CARD10: variants seen among roughly 807,000 people sequenced by gnomAD.
The protein encoded by CARD10 is caspase recruitment domain-containing protein 10.
Under a neutral mutation model 114.6 loss-of-function variants are expected in CARD10, and 49 were observed. The observed-to-expected ratio is 0.43, with a 90% CI of 0.34 to 0.54. The LOEUF is 0.54. Among genes scored for constraint, CARD10 ranks in the 20% least tolerant of loss-of-function variants. The probability of loss-of-function intolerance (pLI) is 0.03; values close to 1 mark genes in which losing one functional copy is unlikely to be tolerated. For synonymous variants in CARD10, 602 were observed against 593.2 expected (o/e 1.01, Z -0.21); for missense variants, 1,206 against 1,397.2 (o/e 0.86, Z 2.18).
chr22:37,511,297 G>A (rs563956707), intron 3 of CARD10, among the ~76,000 whole-genome samples: 1 of 141,190 alleles, frequency 7.1e-6, no homozygotes, highest in Admixed American at 7.3e-5. Flanking sequence ...GGTTGAGGCT[G>A]CAGTGAACCA....
chr22:37,502,523 C>T (rs1923251680), intron 11 of CARD10, 79 bp downstream of exon 11: 1 of 1,474,400 alleles, frequency 6.8e-7, no homozygotes, highest in African/African-American at 1.4e-5. Context: ...AGGGGCGAGG[C>T]AATTGCTCCT....
chr22:37,503,231 A>AG lies in CARD10; in HGVS notation c.1635-19dup, dbSNP rs749139514. 4 of 1,608,866 alleles carry AG rather than the reference A, an allele frequency of 2.5e-6. No homozygotes were observed. In the African/African-American group the frequency reaches 5.4e-5, roughly 22 times the overall value. The stretch of plus-strand genomic sequence containing the variant: ...TGAAGGATCTGGGCAGAGAGAGGGC[A>AG]GGGAGGGGGCAGGAGGTGAGGCACA... On this transcript the variant is annotated intron_variant, in intron 9 of 19. Coordinates refer to ENST00000251973, the MANE Select transcript of CARD10 (RefSeq NM_014550.4).
chr22:37,507,840 C>G lies in CARD10; in HGVS notation c.1180G>C (p.Glu394Gln), dbSNP rs780584003. Residue 394 changes from glutamate (E) to glutamine (Q), a missense_variant, in exon 6 of 20, where the codon GAG (glutamate) becomes CAG (glutamine). Glu to Gln is a conservative substitution (Grantham distance 29). Transcript: ENST00000251973. ...VLAQLEEIEKERDQAIQSRDR... is the reference protein window; with the variant it reads ...VLAQLEEIEKQRDQAIQSRDR... ...CAGGCTGGGCTCACCTGGTCTCGCT[C>G]CTTCTCAATCTCCTCCAGTTGGGCC... The G allele has an allele frequency of 6.2e-7, 1 of 1,614,192 alleles. No homozygotes were observed. The highest frequency in any genetic ancestry group is 8.5e-7 in the Non-Finnish European group (1 of 1,180,008).
chr22:37,497,195 G>T lies in CARD10; in HGVS notation c.1788-17C>A, dbSNP rs1923037658. 1 of 1,604,624 alleles carries T rather than the reference G, an allele frequency of 6.2e-7. No homozygotes were observed. The stretch of plus-strand genomic sequence containing the variant: ...GCCAGAGACCTGAGAAGGGAGAAAG[G>T]AGATGAGAATTGGAGTCCAATCAGT... On this transcript the variant is annotated splice_polypyrimidine_tract_variant and intron_variant, in intron 11 of 19. Transcript: ENST00000251973.
chr22:37,516,858 G>A (rs1003520379), intron 2 of CARD10, among the ~76,000 whole-genome samples: 1 of 152,154 alleles, frequency 6.6e-6, no homozygotes, highest in African/African-American at 2.4e-5. Context: ...GCACAGAGCA[G>A]TTATTTACCC....
Position 37,504,653 on chromosome 22 carries a change from TCCC to T in CARD10, c.1497_1499del (p.Gly500del). On this transcript the variant is annotated inframe_deletion, in exon 8 of 20. Transcript: ENST00000251973. ...GTCTTACCGAGTTGTGAGGCTCAGG[TCCC>T]CCCATGACAGCTGCCTCCCCAGTTG... 3 of 1,513,346 alleles carry T rather than the reference TCCC, an allele frequency of 2.0e-6. No homozygotes were observed. Among genetic ancestry groups the T allele is most frequent in the Non-Finnish European group, 1.8e-6 (2 of 1,133,008 alleles). The allele number at this position is 1,513,346 out of a possible 1,614,324, so 93.7% of individuals were successfully genotyped here. A position where few individuals can be genotyped will look rare whatever the true frequency, so the allele number is the denominator to read the frequency against.
intron 4 of CARD10, among the ~76,000 whole-genome samples, chr22:37,509,598 G>C (rs547341182): frequency 1.4e-5 from 2 of 146,428 alleles, no homozygotes; most frequent in Non-Finnish European, 3.0e-5. Flanking sequence ...CCATGTCCAC[G>C]AGCCCTGGCC....
rs16998289 is a variant in CARD10 at position 37,504,105 on chromosome 22, T to C, written c.1634+81A>G. The C allele has an allele frequency of 9.2e-6, 9 of 979,356 alleles. No individual in the cohort carries two copies. In the South Asian group the frequency reaches 1.2e-4, roughly 13 times the overall value. 60.7% of individuals were successfully genotyped at this position (979,356 alleles called of 1,614,324 possible). On this transcript the variant is annotated intron_variant, in intron 9 of 19. Transcript: ENST00000251973. ...TGACTGCCTGGACCTGACTTTGGCA[T>C]TGCAGATTCTGGGAGGTGGCTGTTC...
At chr22:37,491,574 G>C (rs1368018019) in intron 19 of CARD10, among the ~76,000 whole-genome samples, 181 bp from the exon 20 acceptor site, 1 of 11,450 alleles carries the variant, frequency 8.7e-5, no homozygotes, top group South Asian at 2.1e-3. Context: ...ACGGGGGAGG[G>C]AGGGGGGAGG....
At position 37,490,873 on chromosome 22, in the gene CARD10, AAGG is replaced by A; in HGVS notation, c.*283_*285del. ...AGAACAGACTCCAGGGCGAGTGTTTAAGGAGAAGACACAGACACACATAAGACC... is the reference window on the plus strand; with the variant it reads ...AGAACAGACTCCAGGGCGAGTGTTTAAGAAGACACAGACACACATAAGACC... On this transcript the variant is annotated 3_prime_UTR_variant, in exon 20 of 20. Coordinates refer to ENST00000251973, the MANE Select transcript of CARD10 (RefSeq NM_014550.4). 2.1e-6 allele frequency: 1 copy of A among 485,422 alleles called. No homozygotes were observed. Among genetic ancestry groups the A allele is most frequent in the Non-Finnish European group, 3.7e-6 (1 of 270,764 alleles). 30.1% of individuals were successfully genotyped at this position (485,422 alleles called of 1,614,324 possible). A position where few individuals can be genotyped will look rare whatever the true frequency, so the allele number is the denominator to read the frequency against.
At chr22:37,516,605 C>A (rs933915173) in intron 2 of CARD10, among the ~76,000 whole-genome samples, 2 of 152,114 alleles carry the variant, frequency 1.3e-5, no homozygotes, top group East Asian at 3.9e-4. Flanking sequence ...ATATAAAGAG[C>A]TCCTACAAAT....
At position 37,492,059 on chromosome 22, in the gene CARD10, A is replaced by C. The variant is rs981121190; in HGVS notation, c.2752-192T>G. On this transcript the variant is annotated intron_variant, in intron 18 of 19. Coordinates refer to ENST00000251973, the MANE Select transcript of CARD10 (RefSeq NM_014550.4). The surrounding 1 kb of genome is among the most constrained non-coding windows in gnomAD (Gnocchi z 5.7). ...GGCCTGGGCTCATGGGGCAACCTGG[A>C]GATACAGACCTCCCCCTCAGGACCT... is the stretch of plus-strand genomic sequence containing the variant. Among the ~76,000 whole-genome samples the C allele has an allele frequency of 1.3e-5, 2 of 151,904 alleles. No individual in the cohort carries two copies. The highest frequency in any genetic ancestry group is 2.9e-5 in the Non-Finnish European group (2 of 67,964).
chr22:37,502,991 C>G (rs1458799730), intron 10 of CARD10, among the ~76,000 whole-genome samples, 194 bp downstream of exon 10: 1 of 152,240 alleles, frequency 6.6e-6, no homozygotes, highest in South Asian at 2.1e-4. Context: ...GGACTGGGCT[C>G]GGGGTGAGAG....
chr22:37,517,892 G>A, intron 2 of CARD10, 79 bp downstream of exon 2: 1 of 1,528,408 alleles, frequency 6.5e-7, no homozygotes, highest in Non-Finnish European at 8.9e-7. Context: ...CATAGTGGGA[G>A]CGCCTCCCTA....
chr22:37,505,577 A>G (rs540860569), intron 7 of CARD10, among the ~76,000 whole-genome samples: 4 of 151,840 alleles, frequency 2.6e-5, no homozygotes, highest in African/African-American at 9.7e-5. Flanking sequence ...TAGGGAGGCT[A>G]AGGCACGAGA....
chr22:37,497,037 G>A lies in CARD10; in HGVS notation c.1929C>T (p.Ala643=). The A allele has an allele frequency of 6.2e-7, 1 of 1,613,488 alleles. No homozygotes were observed. The highest frequency in any genetic ancestry group is 8.5e-7 in the Non-Finnish European group (1 of 1,179,752). Residue 643 remains alanine (A), a synonymous_variant, in exon 12 of 20, where the codon GCC becomes GCT. Transcript: ENST00000251973. ...VRRVLSGPGS[A]RMEPREQRVE... ...GCCTCACCTCTCTTGGTTCCATCCT[G>A]GCGGACCCAGGCCCAGACAGCACCC...
intron 1 of CARD10, among the ~76,000 whole-genome samples, chr22:37,518,381 A>G (rs934046721): frequency 1.3e-5 from 2 of 152,014 alleles, no homozygotes; most frequent in African/African-American, 4.8e-5. Context: ...CTGCCTTTTC[A>G]ATGGCACAGA....
Position 37,496,911 on chromosome 22 carries a change from C to T in CARD10, c.1947+108G>A. ...TCACTGAGCCCGCTTCGGCTTTGAC[C>T]AATCCCCAGAAGCTCTGCCCGGTGA... is the stretch of plus-strand genomic sequence containing the variant. On this transcript the variant is annotated intron_variant, in intron 12 of 19. Coordinates refer to ENST00000251973, the MANE Select transcript of CARD10 (RefSeq NM_014550.4). The surrounding 1 kb of genome is among the most constrained non-coding windows in gnomAD (Gnocchi z 4.1). 1 of 1,336,244 alleles carries T rather than the reference C, an allele frequency of 7.5e-7. No individual in the cohort carries two copies. The highest frequency in any genetic ancestry group is 1.0e-6 in the Non-Finnish European group (1 of 976,872). 82.8% of individuals were successfully genotyped at this position (1,336,244 alleles called of 1,614,324 possible).
At chr22:37,504,142 G>T in intron 9 of CARD10, 44 bp downstream of exon 9, 1 of 1,385,580 alleles carries the variant, frequency 7.2e-7, no homozygotes, top group South Asian at 1.2e-5. Flanking sequence ...GGAAACGGCA[G>T]CCCCACCTCC....
Sources: allele counts gnomAD v4.1 joint callset (sites outside exome capture counted in the v4.1 genomes callset), GRCh38; gene constraint gnomAD v4.1.1; non-coding constraint Gnocchi (gnomAD v3.1); transcripts MANE v1.5; gene names NCBI Gene and HGNC (gene_info 2026-07-23, HGNC 2026-07-21).